The following DGLUCY variants were observed in gnomAD, a reference collection of about 807,000 sequenced individuals.
The protein encoded by DGLUCY is D-glutamate cyclase, mitochondrial.
In DGLUCY, 58 loss-of-function variants were observed where a neutral mutation model predicts 58.5. The ratio of observed to expected loss-of-function variants is 0.99; its 90% CI spans 0.80 to 1.23. DGLUCY has a LOEUF of 1.23. Among genes scored for constraint, DGLUCY ranks in the 50% most tolerant of loss-of-function variants. The probability of loss-of-function intolerance (pLI) is 0.00; values close to 1 mark genes in which losing one functional copy is unlikely to be tolerated. For missense variants in DGLUCY, 779 were observed against 784.7 expected (o/e 0.99, Z 0.09); for synonymous variants, 325 against 314.1 (o/e 1.03, Z -0.37).
At chr14:91,164,558 C>A (rs547797909) in intron 3 of DGLUCY, among the ~76,000 whole-genome samples, 1 of 152,254 alleles carries the variant, frequency 6.6e-6, no homozygotes, top group African/African-American at 2.4e-5. Context: ...ACCTCAAGCC[C>A]AGTAACGCCG....
chr14:91,110,090 A>G (rs927165804), upstream of DGLUCY, among the ~76,000 whole-genome samples: 1 of 152,254 alleles, frequency 6.6e-6, no homozygotes, highest in Non-Finnish European at 1.5e-5. Flanking sequence ...AAGCAATTGC[A>G]AACAATAGCT....
At chr14:91,195,839 T>A (rs1287658979) in intron 9 of DGLUCY, among the ~76,000 whole-genome samples, 3 of 151,812 alleles carry the variant, frequency 2.0e-5, no homozygotes, top group African/African-American at 4.8e-5. Context: ...CCGGGCTAAT[T>A]TTTTGTATTT....
In DGLUCY at chr14:91,224,810, G is replaced by T. The variant is rs1029631564; in HGVS notation, c.1843G>T (p.Asp615Tyr). Residue 615 changes from aspartate (D) to tyrosine (Y), a missense_variant, in exon 14 of 14, where the codon GAC becomes TAC. Physicochemically the swap from Asp to Tyr is radical, Grantham distance 160 (BLOSUM62 -3). Transcript: ENST00000256324. ...CGCCGAGATGATCCAGAAGCTGGTG[G>T]ACGTCACCACGGCACAGGTGTAACC... ...THAEMIQKLV[D>Y]VTTAQV is the part of the protein sequence containing the mutation. 4.3e-6 allele frequency: 7 copies of T among 1,613,044 alleles called. No homozygotes were observed. Among genetic ancestry groups the T allele is most frequent in the Admixed American group, 1.7e-5 (1 of 59,958 alleles).
At chr14:91,069,799 CTTT>C (rs5810528) in intron 1 of DGLUCY, among the ~76,000 whole-genome samples, 13 of 121,008 alleles carry the variant, frequency 1.1e-4, no homozygotes, top group Admixed American at 1.8e-4. Context: ...TGATATGCCT[CTTT>C]TTTTTTTTTT....
In DGLUCY at chr14:91,136,133, T is replaced by C. The variant is rs185680578; in HGVS notation, c.-81-21506T>C. ...TATTTTTAGTAGAGACGGGGTTTCA[T>C]CATGTTAGCCAGGTTGGTCTCGATT... On this transcript the variant is annotated intron_variant, in intron 1 of 13. Coordinates refer to ENST00000256324, the MANE Select transcript of DGLUCY (RefSeq NM_001102368.3). Among the ~76,000 whole-genome samples the C allele has an allele frequency of 2.8e-3, 417 of 151,516 alleles. 2 individuals carry two copies. Among genetic ancestry groups the C allele is most frequent in the African/African-American group, 8.1e-3 (333 of 41,332 alleles).
intron 1 of DGLUCY, among the ~76,000 whole-genome samples, chr14:91,141,049 G>A (rs1566962162): frequency 6.6e-6 from 1 of 152,098 alleles, no homozygotes; most frequent in African/African-American, 2.4e-5. Context: ...GTTATTTCTT[G>A]TAGGGTGCTC....
Position 91,065,977 on chromosome 14 carries a change from G to A in DGLUCY, c.-82+5273G>A, listed in dbSNP as rs547910222. ...TGGAGAAGTAGAGAGGGTGGGGTCC[G>A]TGAAAAGGCTGAGACAGAGAGGTTG... is the stretch of plus-strand genomic sequence containing the variant. On this transcript the variant is annotated intron_variant, in intron 1 of 4. Transcript: ENST00000521334. Among the ~76,000 whole-genome samples, 13 of 152,314 alleles carry A rather than the reference G, an allele frequency of 8.5e-5. No individual in the cohort carries two copies. The East Asian group carries it at 2.3e-3, about 27-fold the overall frequency.
At chr14:91,068,085 A>G (rs948756529) in intron 1 of DGLUCY, among the ~76,000 whole-genome samples, 247 of 136,134 alleles carry the variant, frequency 1.8e-3, no homozygotes, top group African/African-American at 5.1e-3. Context: ...GCACGCACAC[A>G]CACACACACA....
chr14:91,206,326 C>T (rs1289796493), intron 12 of DGLUCY, among the ~76,000 whole-genome samples: 1 of 151,996 alleles, frequency 6.6e-6, no homozygotes, highest in East Asian at 1.9e-4. Context: ...ACTGCAGAGC[C>T]CTTCCCCTCC....
intron 8 of DGLUCY, among the ~76,000 whole-genome samples, chr14:91,187,294 A>G (rs1446404010): frequency 1.3e-5 from 2 of 152,140 alleles, no homozygotes; most frequent in Admixed American, 6.5e-5. Context: ...CACCCCGCCC[A>G]GCCAACCCCG....
chr14:91,207,422 A>T (rs1884932126), intron 12 of DGLUCY, among the ~76,000 whole-genome samples: 1 of 152,212 alleles, frequency 6.6e-6, no homozygotes, highest in Non-Finnish European at 1.5e-5. Context: ...TAATGGGAAT[A>T]CTAGAAGGAG....
chr14:91,068,079 G>GTGCA (rs1555387695), intron 1 of DGLUCY, among the ~76,000 whole-genome samples: 2 of 146,342 alleles, frequency 1.4e-5, no homozygotes, highest in East Asian at 2.0e-4. Flanking sequence ...ACACGCGCAC[G>GTGCA]CACACACACA....
chr14:91,212,009 G>A (rs1885748866), intron 12 of DGLUCY, among the ~76,000 whole-genome samples: 1 of 152,086 alleles, frequency 6.6e-6, no homozygotes, highest in South Asian at 2.1e-4. Flanking sequence ...CACCATGTTG[G>A]CCACACTGGT....
At chr14:91,133,041 C>G (rs1206046274) in intron 1 of DGLUCY, among the ~76,000 whole-genome samples, 2 of 151,960 alleles carry the variant, frequency 1.3e-5, no homozygotes, top group Admixed American at 6.6e-5. Context: ...CGCCTGTAAT[C>G]CCAGCACTTT....
Position 91,215,517 on chromosome 14 carries a change from A to C in DGLUCY, c.1677A>C (p.Gly559=). ...RKAVGPSRAP[G]DQAWTQALPS... is the part of the protein sequence containing the mutation. ...CAGTCGGACCCTCCAGGGCACCTGG[A>C]GATCAGGCCTGGACTCAGGCCCTCC... Residue 559 remains glycine (G), a synonymous_variant, in exon 13 of 14, where the codon GGA becomes GGC. Transcript: ENST00000256324. The C allele has an allele frequency of 6.2e-7, 1 of 1,614,220 alleles. No individual in the cohort carries two copies.
At chr14:91,161,877 A>G (rs7493971) in intron 3 of DGLUCY, among the ~76,000 whole-genome samples, 2,313 of 151,550 alleles carry the variant, frequency 0.015, 57 homozygotes, top group African/African-American at 0.053. Context: ...ACTACCTAAT[A>G]TATACAGAGA....
chr14:91,088,645 G>C (rs2044260309), intron 1 of DGLUCY, among the ~76,000 whole-genome samples: 1 of 152,322 alleles, frequency 6.6e-6, no homozygotes, highest in South Asian at 2.1e-4. Flanking sequence ...AGAGAGGGGA[G>C]AAGAGGACCC....
At chr14:91,083,919 A>T (rs191453548) in intron 1 of DGLUCY, among the ~76,000 whole-genome samples, 3 of 152,150 alleles carry the variant, frequency 2.0e-5, no homozygotes, top group Non-Finnish European at 2.9e-5. Flanking sequence ...TCTCTGCTTT[A>T]ATGGCTTCAT....
chr14:91,210,892 T>A (rs1468894586), intron 12 of DGLUCY, among the ~76,000 whole-genome samples: 1 of 152,204 alleles, frequency 6.6e-6, no homozygotes, highest in Admixed American at 6.5e-5. Flanking sequence ...AGAAATATAA[T>A]GTAAACAGAT....
Sources: gnomAD v4.1 joint callset for allele counts (sites outside exome capture counted in the v4.1 genomes callset) on GRCh38, gnomAD v4.1.1 for gene constraint, MANE v1.5 for transcripts, NCBI Gene and HGNC (gene_info 2026-07-23, HGNC 2026-07-21) for gene names.